Variants in L3MBTL3 observed in about 807,000 individuals in gnomAD.
L3MBTL3 encodes the protein lethal(3)malignant brain tumor-like protein 3.
In L3MBTL3, 27 loss-of-function variants were observed where a neutral mutation model predicts 102.3. That is an observed-to-expected ratio of 0.26 (90% CI 0.19 to 0.36). L3MBTL3 has a LOEUF of 0.36. Among genes scored for constraint, L3MBTL3 ranks in the 10% least tolerant of loss-of-function variants. The pLI is 1.00. For synonymous variants in L3MBTL3, 340 were observed against 320.9 expected, an observed-to-expected ratio of 1.06 and a Z score of -0.64; for missense variants, 798 against 955.3, an observed-to-expected ratio of 0.84 and a Z score of 2.17.
intron 2 of L3MBTL3, among the ~76,000 whole-genome samples, chr6:130,031,653 C>T (rs1038923057): frequency 3.3e-5 from 5 of 152,166 alleles, no homozygotes; most frequent in Admixed American, 1.3e-4. Flanking sequence ...AGACCAGCAT[C>T]GTGACCATTC....
intron 2 of L3MBTL3, among the ~76,000 whole-genome samples, chr6:130,025,210 AGT>A (rs956845221): frequency 6.6e-6 from 1 of 152,192 alleles, no homozygotes; most frequent in Admixed American, 6.5e-5. Flanking sequence ...AGGTAAAGAT[AGT>A]GTCTTTAGAG....
intron 14 of L3MBTL3, among the ~76,000 whole-genome samples, chr6:130,082,327 C>A (rs997097149): frequency 6.6e-6 from 1 of 152,168 alleles, no homozygotes; most frequent in Non-Finnish European, 1.5e-5. Context: ...CAGTGCTAAA[C>A]TATAATTTTT....
In L3MBTL3 at chr6:130,139,833, C is replaced by T; in HGVS notation, c.*80C>T. ...CAAAGCACAAGGACGGTTATAACTC[C>T]TAAGTGAGAAGTCTCCAAAACTCAA... On this transcript the variant is annotated 3_prime_UTR_variant, in exon 23 of 23. Coordinates refer to ENST00000361794, the MANE Select transcript of L3MBTL3 (RefSeq NM_032438.4). 1 of 1,361,142 alleles carries T rather than the reference C, an allele frequency of 7.3e-7. No individual in the cohort carries two copies. Among genetic ancestry groups the T allele is most frequent in the Non-Finnish European group, 1.0e-6 (1 of 976,894 alleles). 84.3% of individuals were successfully genotyped at this position (1,361,142 alleles called of 1,614,324 possible). A position where few individuals can be genotyped will look rare whatever the true frequency, so the allele number is the denominator to read the frequency against.
chr6:130,040,310 G>A (rs919490191), intron 2 of L3MBTL3, among the ~76,000 whole-genome samples: 3 of 146,888 alleles, frequency 2.0e-5, no homozygotes, highest in Non-Finnish European at 4.5e-5. Flanking sequence ...CAGCCTGGAC[G>A]ACAACAGCGA....
chr6:130,028,562 T>C (rs1779506680), intron 2 of L3MBTL3, among the ~76,000 whole-genome samples: 1 of 152,212 alleles, frequency 6.6e-6, no homozygotes, highest in African/African-American at 2.4e-5. Context: ...ATCTATGAAC[T>C]TAGGTCCTTA....
rs141758273 is a variant in L3MBTL3, at chr6:130,097,547, C to G, written c.1736+3180C>G. On this transcript the variant is annotated intron_variant, in intron 18 of 22. Coordinates refer to ENST00000361794, the MANE Select transcript of L3MBTL3 (RefSeq NM_032438.4). The stretch of plus-strand genomic sequence containing the variant: ...TAAACAATGAAGCTTGATAATTTAA[C>G]GTTTTTTAAAATGGTGAAATATAAA... Among the ~76,000 whole-genome samples, 250 of 152,104 alleles carry G rather than the reference C, an allele frequency of 1.6e-3. 3 individuals carry two copies. Among genetic ancestry groups the G allele is most frequent in the African/African-American group, 5.7e-3 (235 of 41,492 alleles).
At chr6:130,117,128 C>A (rs1439777220) in intron 19 of L3MBTL3, among the ~76,000 whole-genome samples, 2 of 101,092 alleles carry the variant, frequency 2.0e-5, no homozygotes, top group Middle Eastern at 5.3e-3. Context: ...CCCCCTCCCC[C>A]CACCCCACCA....
chr6:130,136,315 C>A (rs1391747816), intron 22 of L3MBTL3, among the ~76,000 whole-genome samples: 1 of 152,190 alleles, frequency 6.6e-6, no homozygotes, highest in East Asian at 1.9e-4. Context: ...TTACAAGGGC[C>A]TGCAGTCTGA....
intron 7 of L3MBTL3, among the ~76,000 whole-genome samples, chr6:130,054,268 G>A (rs1372514924): frequency 6.6e-6 from 1 of 152,158 alleles, no homozygotes; most frequent in East Asian, 1.9e-4. Context: ...AGTTGAAGAG[G>A]TACCTGTGGT....
At chr6:130,127,988 C>T (rs1786727073) in intron 20 of L3MBTL3, among the ~76,000 whole-genome samples, 1 of 152,112 alleles carries the variant, frequency 6.6e-6, no homozygotes, top group Non-Finnish European at 1.5e-5. Context: ...TAGACTGTTT[C>T]TATCTGAAGT....
At chr6:130,049,536 A>G in intron 4 of L3MBTL3, 143 bp downstream of exon 4, 1 of 716,796 alleles carries the variant, frequency 1.4e-6, no homozygotes. Context: ...CTATAATGAA[A>G]CTGATAGGAG....
intron 19 of L3MBTL3, among the ~76,000 whole-genome samples, chr6:130,112,552 C>A (rs1182710929): frequency 6.6e-6 from 1 of 152,048 alleles, no homozygotes; most frequent in Non-Finnish European, 1.5e-5. Context: ...GAAAATGATA[C>A]CACAGAAATG....
intron 2 of L3MBTL3, among the ~76,000 whole-genome samples, chr6:130,031,096 C>A (rs1779695844): frequency 6.6e-6 from 1 of 152,076 alleles, no homozygotes; most frequent in Non-Finnish European, 1.5e-5. Context: ...AAGGTCATCA[C>A]AAACTAAATC....
intron 18 of L3MBTL3, among the ~76,000 whole-genome samples, chr6:130,099,537 G>A (rs1239341852): frequency 6.6e-6 from 1 of 152,128 alleles, no homozygotes; most frequent in African/African-American, 2.4e-5. Flanking sequence ...AACAGAAAAA[G>A]CAACATTTCT....
intron 15 of L3MBTL3, among the ~76,000 whole-genome samples, chr6:130,085,311 C>T (rs1368476684): frequency 6.6e-6 from 1 of 152,118 alleles, no homozygotes; most frequent in Non-Finnish European, 1.5e-5. Flanking sequence ...CCAACCCATT[C>T]CTGGTTCTAT....
intron 3 of L3MBTL3, among the ~76,000 whole-genome samples, chr6:130,043,704 A>G (rs1285827458): frequency 1.3e-5 from 2 of 152,130 alleles, no homozygotes; most frequent in African/African-American, 2.4e-5. Flanking sequence ...TTCTTGCTCC[A>G]TTATTTAGGC....
chr6:130,125,142 A>G (rs1021336807), intron 20 of L3MBTL3, among the ~76,000 whole-genome samples: 3 of 152,180 alleles, frequency 2.0e-5, no homozygotes, highest in Admixed American at 6.5e-5. Flanking sequence ...GACTGACTAC[A>G]TGGTGGGGAG....
chr6:130,051,142 A>C, intron 5 of L3MBTL3, 107 bp from the exon 6 acceptor site: 1 of 875,938 alleles, frequency 1.1e-6, no homozygotes, highest in Non-Finnish European at 1.8e-6. Flanking sequence ...AGCAAACACT[A>C]TTCTTTATTG....
chr6:130,110,978 T>C (rs1189355635), intron 19 of L3MBTL3, among the ~76,000 whole-genome samples: 1 of 152,216 alleles, frequency 6.6e-6, no homozygotes, highest in Non-Finnish European at 1.5e-5. Context: ...CCCACTCAGA[T>C]TTTAACAAAT....
Sources: gnomAD v4.1 joint callset for allele counts (sites outside exome capture counted in the v4.1 genomes callset) on GRCh38, gnomAD v4.1.1 for gene constraint, MANE v1.5 for transcripts, NCBI Gene and HGNC (gene_info 2026-07-23, HGNC 2026-07-21) for gene names.